The following ANO3 variants were observed in gnomAD, a reference collection of about 807,000 sequenced individuals.
ANO3 encodes the protein anoctamin-3.
Under a neutral mutation model 144.8 loss-of-function variants are expected in ANO3, and 99 were observed. The observed-to-expected ratio is 0.68, with a 90% CI of 0.58 to 0.81. The LOEUF is 0.81. ANO3 is among the 30% of genes least tolerant of loss of function. The pLI is 0.00. For synonymous variants in ANO3, 414 were observed against 392.6 expected (o/e 1.05, Z -0.64); for missense variants, 905 against 1,202.2 (o/e 0.75, Z 3.66).
chr11:26,372,587 A>G (rs1352027762), intron 1 of ANO3, among the ~76,000 whole-genome samples: 3 of 152,332 alleles, frequency 2.0e-5, no homozygotes, highest in Admixed American at 6.5e-5. Flanking sequence ...TACTATCTCA[A>G]TTATTTTCTT....
intron 1 of ANO3, among the ~76,000 whole-genome samples, chr11:26,344,590 C>T (rs1393532704): frequency 6.6e-6 from 1 of 152,050 alleles, no homozygotes; most frequent in African/African-American, 2.4e-5. Flanking sequence ...TGGTCTTGAT[C>T]TCCTGACCTT....
intron 1 of ANO3, among the ~76,000 whole-genome samples, chr11:26,271,356 C>T (rs767915096): frequency 1.3e-5 from 2 of 152,180 alleles, no homozygotes; most frequent in Non-Finnish European, 2.9e-5. Context: ...CTGAAAGCCA[C>T]AGATGGAGTC....
chr11:26,627,569 A>C (rs928749912), intron 18 of ANO3, among the ~76,000 whole-genome samples: 1 of 152,048 alleles, frequency 6.6e-6, no homozygotes, highest in Non-Finnish European at 1.5e-5. Flanking sequence ...CTTTTGAAGT[A>C]CCCTATACCC....
chr11:26,647,763 C>G lies in ANO3; in HGVS notation c.2483C>G (p.Ala828Gly), dbSNP rs748350187. ...GIGILAVITN[A>G]FVIAITSDYI... is the part of the protein sequence containing the mutation. Reference sequence around the variant, plus strand: ...GGTATATTGGCTGTGATCACCAATGCATTTGTAATTGCTATTACTTCTGAT... The same window carrying G: ...GGTATATTGGCTGTGATCACCAATGGATTTGTAATTGCTATTACTTCTGAT... Residue 828 changes from alanine (A) to glycine (G), a missense_variant, in exon 24 of 27, where the codon GCA (alanine) becomes GGA (glycine). By Grantham distance (60) the Ala-to-Gly change is moderately conservative. Coordinates refer to ENST00000256737, the MANE Select transcript of ANO3 (RefSeq NM_031418.4). The G allele has an allele frequency of 1.1e-5, 18 of 1,612,638 alleles. No homozygotes were observed. The highest frequency in any genetic ancestry group is 1.1e-5 in the Non-Finnish European group (13 of 1,179,154).
intron 1 of ANO3, among the ~76,000 whole-genome samples, chr11:26,337,300 T>G (rs1233157452): frequency 3.3e-5 from 5 of 152,242 alleles, no homozygotes; most frequent in Admixed American, 3.3e-4. Flanking sequence ...AGAATAGTAG[T>G]ATATGTTATG....
chr11:26,474,854 T>C (rs1299270770), intron 4 of ANO3, among the ~76,000 whole-genome samples: 1 of 151,840 alleles, frequency 6.6e-6, no homozygotes, highest in Non-Finnish European at 1.5e-5. Flanking sequence ...ATTTCTTATA[T>C]AATATTAGAA....
chr11:26,595,887 C>G (rs1489655698), intron 14 of ANO3, among the ~76,000 whole-genome samples: 2 of 152,162 alleles, frequency 1.3e-5, no homozygotes, highest in African/African-American at 2.4e-5. Context: ...GAGGTTTCCT[C>G]TAAAGGTTAT....
At chr11:26,407,094 G>GTA (rs1857310062) in intron 1 of ANO3, among the ~76,000 whole-genome samples, 5 of 51,758 alleles carry the variant, frequency 9.7e-5, no homozygotes, top group Non-Finnish European at 2.9e-4. Context: ...ATATATATAT[G>GTA]TATATATATG....
chr11:26,263,562 T>C, intron 1 of ANO3, among the ~76,000 whole-genome samples: 1 of 152,226 alleles, frequency 6.6e-6, no homozygotes, highest in Non-Finnish European at 1.5e-5. Context: ...TTCCACAGCC[T>C]CAGTATTCAG....
At chr11:26,265,708 A>G (rs1174467012) in intron 1 of ANO3, among the ~76,000 whole-genome samples, 1 of 152,194 alleles carries the variant, frequency 6.6e-6, no homozygotes, top group Non-Finnish European at 1.5e-5. Flanking sequence ...CCTTTCTAGC[A>G]CACGTAATGG....
At chr11:26,635,993 T>G (rs1477016986) in intron 20 of ANO3, among the ~76,000 whole-genome samples, 1 of 152,034 alleles carries the variant, frequency 6.6e-6, no homozygotes, top group African/African-American at 2.4e-5. Flanking sequence ...AGGCCAAGAG[T>G]TTGAGACCGG....
At chr11:26,332,014 T>C (rs1531395), upstream of ANO3, 1,022,246 of 1,027,362 alleles carry the variant, frequency 1, 508,743 homozygotes, top group East Asian at 1. Context: ...CCCCTCACTG[T>C]GGCACTGGAC....
chr11:26,307,345 A>T (rs747308550), upstream of ANO3, among the ~76,000 whole-genome samples: 2 of 151,658 alleles, frequency 1.3e-5, no homozygotes, highest in Non-Finnish European at 2.9e-5. Flanking sequence ...CAAGAGCAAA[A>T]CTCTGTCTCA....
intron 24 of ANO3, among the ~76,000 whole-genome samples, chr11:26,652,473 C>A (rs1169422677): frequency 1.3e-5 from 2 of 152,140 alleles, no homozygotes; most frequent in African/African-American, 4.8e-5. Flanking sequence ...ATAGAACCAT[C>A]TGTGCTCCCA....
intron 4 of ANO3, among the ~76,000 whole-genome samples, chr11:26,483,987 T>G (rs770850973): frequency 3.3e-5 from 5 of 152,096 alleles, no homozygotes; most frequent in Non-Finnish European, 7.4e-5. Flanking sequence ...GTTAGCAGAG[T>G]TTGGAGTCAT....
intron 1 of ANO3, among the ~76,000 whole-genome samples, chr11:26,333,838 T>C (rs917965455): frequency 1.3e-5 from 2 of 152,206 alleles, no homozygotes; most frequent in African/African-American, 4.8e-5. Context: ...CAAATAAAGT[T>C]AAACTGCTTC....
intron 14 of ANO3, chr11:26,563,403 G>GTGTGTGTT (rs1485118287): frequency 5.9e-6 from 1 of 168,900 alleles, no homozygotes; most frequent in African/African-American, 4.9e-5. Flanking sequence ...CTCTGTGTGT[G>GTGTGTGTT]TGTGTGTGTG....
intron 14 of ANO3, among the ~76,000 whole-genome samples, chr11:26,564,743 A>ATTTGTTTT (rs1403734403): frequency 3.4e-5 from 1 of 29,450 alleles, no homozygotes; most frequent in Non-Finnish European, 7.6e-5. Flanking sequence ...ATATATATAT[A>ATTTGTTTT]TATATATATA....
At chr11:26,202,322 AC>A (rs1225835080) in intron 1 of ANO3, among the ~76,000 whole-genome samples, 1 of 145,660 alleles carries the variant, frequency 6.9e-6, no homozygotes, top group Non-Finnish European at 1.5e-5. Flanking sequence ...TCATATAGAT[AC>A]ATATGATATA....
Sources: gnomAD v4.1 joint callset for allele counts (sites outside exome capture counted in the v4.1 genomes callset) on GRCh38, gnomAD v4.1.1 for gene constraint, MANE v1.5 for transcripts, NCBI Gene and HGNC (gene_info 2026-07-23, HGNC 2026-07-21) for gene names.